The following AHI1 variants were observed in gnomAD, a reference collection of about 807,000 sequenced individuals.
AHI1 encodes jouberin.
AHI1 carries 123 observed loss-of-function variants against 149.3 expected under a neutral mutation model. The observed-to-expected ratio is 0.82, with a 90% CI of 0.71 to 0.96. The LOEUF is 0.96. Ranked by LOEUF, AHI1 falls within the 40% of genes least tolerant of loss-of-function variation. The pLI is 0.00. For missense variants in AHI1, 1,439 were observed against 1,422.7 expected, an observed-to-expected ratio of 1.01 and a Z score of -0.18; for synonymous variants, 475 against 459.8, an observed-to-expected ratio of 1.03 and a Z score of -0.42.
At chr6:135,415,539 A>ATAC (rs1401680186) in intron 20 of AHI1, among the ~76,000 whole-genome samples, 1 of 152,204 alleles carries the variant, frequency 6.6e-6, no homozygotes, top group Non-Finnish European at 1.5e-5. Context: ...GTACACTGAT[A>ATAC]TACTAATGGT....
At chr6:135,389,127 G>A (rs1778063511) in intron 23 of AHI1, among the ~76,000 whole-genome samples, 1 of 151,698 alleles carries the variant, frequency 6.6e-6, no homozygotes, top group Non-Finnish European at 1.5e-5. Context: ...TGGCTAACAT[G>A]GTGAAACCCT....
intron 23 of AHI1, among the ~76,000 whole-genome samples, chr6:135,358,588 AT>A (rs1310835436): frequency 1.3e-5 from 2 of 152,174 alleles, no homozygotes. Context: ...CTACTGTCTT[AT>A]TTTCTCAAAA....
intron 27 of AHI1, among the ~76,000 whole-genome samples, chr6:135,291,766 A>C (rs1461079538): frequency 1.3e-5 from 2 of 152,210 alleles, no homozygotes; most frequent in Non-Finnish European, 2.9e-5. Context: ...AGAATGATAA[A>C]AGAACAAAGG....
At chr6:135,339,525 T>G (rs1198307459) in intron 24 of AHI1, among the ~76,000 whole-genome samples, 1 of 152,120 alleles carries the variant, frequency 6.6e-6, no homozygotes, top group Admixed American at 6.5e-5. Flanking sequence ...ACAAGTGAAA[T>G]TCTGCAGTTG....
chr6:135,301,680 T>C lies in AHI1; in HGVS notation c.3427-1122A>G, dbSNP rs955711262. The C allele has an allele frequency of 9.1e-6, 9 of 985,320 alleles. No homozygotes were observed. The African/African-American group carries it at 1.6e-4, about 17-fold the overall frequency. 61.0% of individuals were successfully genotyped at this position (985,320 alleles called of 1,614,324 possible). A position where few individuals can be genotyped will look rare whatever the true frequency, so the allele number is the denominator to read the frequency against. On this transcript the variant is annotated intron_variant, in intron 26 of 28. Transcript: ENST00000265602. Reference sequence around the variant, plus strand: ...CAAGAATTAAAGAGCAAGGAGACTTTTTGGTGAAAGGTGAGTGTTGCAACA... The same window carrying C: ...CAAGAATTAAAGAGCAAGGAGACTTCTTGGTGAAAGGTGAGTGTTGCAACA...
intron 23 of AHI1, among the ~76,000 whole-genome samples, chr6:135,392,959 T>C (rs1322049927): frequency 6.6e-6 from 1 of 152,198 alleles, no homozygotes; most frequent in Non-Finnish European, 1.5e-5. Flanking sequence ...CTTTTGAAAT[T>C]TTTCTGTTCA....
In AHI1 at chr6:135,428,720, C is replaced by T; in HGVS notation, c.2532G>A (p.Arg844=). The T allele has an allele frequency of 6.2e-7, 1 of 1,606,804 alleles. No individual in the cohort carries two copies. Among genetic ancestry groups the T allele is most frequent in the Non-Finnish European group, 8.5e-7 (1 of 1,175,806 alleles). ...ARKFVGAANY[R]EKIHSTLTPC... ...GAGTCAAAGTACTATGAATCTTCTC[C>T]CGATAATTTGCTGCTCCTACAAACT... is the stretch of plus-strand genomic sequence containing the variant. The change falls in exon 19 of 29, where the codon CGG becomes CGA. Residue 844 remains arginine, a synonymous_variant. Coordinates refer to ENST00000265602, the MANE Select transcript of AHI1 (RefSeq NM_001134831.2).
chr6:135,292,485 C>A (rs900454964), intron 27 of AHI1, among the ~76,000 whole-genome samples: 2 of 152,184 alleles, frequency 1.3e-5, no homozygotes, highest in African/African-American at 4.8e-5. Flanking sequence ...AAAACAACAA[C>A]AACAAACCTG....
intron 27 of AHI1, among the ~76,000 whole-genome samples, chr6:135,293,182 A>C (rs1220216414): frequency 6.6e-6 from 1 of 152,124 alleles, no homozygotes; most frequent in Non-Finnish European, 1.5e-5. Flanking sequence ...TGTTTGAGAA[A>C]TCAAACATCT....
chr6:135,467,345 A>G (rs774045805), intron 6 of AHI1, among the ~76,000 whole-genome samples: 3 of 152,244 alleles, frequency 2.0e-5, no homozygotes, highest in African/African-American at 4.8e-5. Context: ...AATACATATC[A>G]TATGTAAGTA....
intron 5 of AHI1, among the ~76,000 whole-genome samples, chr6:135,475,291 C>A (rs1267830222): frequency 1.3e-5 from 2 of 152,118 alleles, no homozygotes; most frequent in African/African-American, 2.4e-5. Context: ...GTCTTCTTTC[C>A]TTGTTTCCCA....
chr6:135,444,468 C>CT (rs1385156741), intron 13 of AHI1, among the ~76,000 whole-genome samples: 1 of 152,144 alleles, frequency 6.6e-6, no homozygotes, highest in Non-Finnish European at 1.5e-5. Context: ...ACAACAGGTC[C>CT]TTTCCCACTT....
rs77921735 is a variant in AHI1, at chr6:135,458,735, T to C, written c.932-1022A>G. 5.1e-3 allele frequency among the ~76,000 whole-genome samples: 770 copies of C among 152,274 alleles called. 4 individuals are homozygous for C. Among genetic ancestry groups the C allele is most frequent in the African/African-American group, 0.018 (747 of 41,554 alleles). On this transcript the variant is annotated intron_variant, in intron 8 of 28. Transcript: ENST00000265602. The stretch of plus-strand genomic sequence containing the variant: ...GTGACAAAAATGGATACCTGAAGGA[T>C]GTCTAACATATAGCCAGTCTCCTGC...
intron 5 of AHI1, among the ~76,000 whole-genome samples, chr6:135,477,613 C>A (rs1269709308): frequency 2.6e-5 from 4 of 152,078 alleles, no homozygotes; most frequent in Admixed American, 2.0e-4. Context: ...TGATGGAGTT[C>A]TTGCAAGATC....
chr6:135,435,477 T>C (rs1583219113), intron 15 of AHI1, among the ~76,000 whole-genome samples: 1 of 152,028 alleles, frequency 6.6e-6, no homozygotes, highest in Non-Finnish European at 1.5e-5. Context: ...CATTTAAGTA[T>C]AGGAAAAGTA....
intron 24 of AHI1, among the ~76,000 whole-genome samples, chr6:135,350,721 T>C (rs1791963113): frequency 6.6e-6 from 1 of 152,144 alleles, no homozygotes; most frequent in African/African-American, 2.4e-5. Flanking sequence ...CAAAAGGTTG[T>C]GTATATTCAG....
intron 24 of AHI1, among the ~76,000 whole-genome samples, chr6:135,336,349 G>T (rs1259642514): frequency 6.6e-6 from 1 of 152,054 alleles, no homozygotes; most frequent in African/African-American, 2.4e-5. Context: ...GTAAATCCCA[G>T]CACTCTGGGA....
chr6:135,317,751 TAC>T (rs1786195102), intron 26 of AHI1, among the ~76,000 whole-genome samples: 1 of 152,146 alleles, frequency 6.6e-6, no homozygotes, highest in African/African-American at 2.4e-5. Context: ...CTGAATGATA[TAC>T]GTCAGGTTCA....
chr6:135,428,493 C>T (rs1784212019), intron 19 of AHI1, 136 bp downstream of exon 19: 5 of 1,110,288 alleles, frequency 4.5e-6, no homozygotes, highest in Non-Finnish European at 6.0e-6. Context: ...TAAAGGCTTT[C>T]TAATCTTAAA....
Sources: gnomAD v4.1 joint callset for allele counts (sites outside exome capture counted in the v4.1 genomes callset) on GRCh38, gnomAD v4.1.1 for gene constraint, MANE v1.5 for transcripts, NCBI Gene and HGNC (gene_info 2026-07-23, HGNC 2026-07-21) for gene names.